The following MAP2K4 variants were observed in gnomAD, a reference collection of about 807,000 sequenced individuals.
The protein encoded by MAP2K4 is dual specificity mitogen-activated protein kinase kinase 4.
MAP2K4 carries 4 observed loss-of-function variants against 48.5 expected under a neutral mutation model. The ratio of observed to expected loss-of-function variants is 0.08; its 90% confidence interval spans 0.04 to 0.19. The LOEUF (loss-of-function observed/expected upper bound fraction) is 0.19. Ranked by LOEUF, MAP2K4 falls within the 10% of genes least tolerant of loss-of-function variation. The pLI is 1.00. For missense variants in MAP2K4, 258 were observed against 493.3 expected (o/e 0.52, Z 4.52); for synonymous variants, 166 against 173.1 (o/e 0.96, Z 0.32).
chr17:12,059,776 C>T (rs967413037), intron 2 of MAP2K4, among the ~76,000 whole-genome samples: 7 of 152,288 alleles, frequency 4.6e-5, no homozygotes, highest in Admixed American at 1.3e-4. Context: ...TAATATTCCT[C>T]GTATTTCTTG....
At chr17:12,120,370 G>T (rs1162634936) in intron 7 of MAP2K4, among the ~76,000 whole-genome samples, 1 of 152,064 alleles carries the variant, frequency 6.6e-6, no homozygotes, top group Non-Finnish European at 1.5e-5. Context: ...TGAGGCATGA[G>T]AATTGCTTGA....
chr17:12,032,328 A>G (rs776304242), intron 1 of MAP2K4: 14 of 1,230,490 alleles, frequency 1.1e-5, no homozygotes, highest in Non-Finnish European at 1.3e-5. Flanking sequence ...ATATTATGCT[A>G]TTTATTTTTT....
intron 2 of MAP2K4, among the ~76,000 whole-genome samples, chr17:12,073,837 A>G (rs965385269): frequency 3.5e-5 from 5 of 143,108 alleles, no homozygotes; most frequent in African/African-American, 1.3e-4. Context: ...CAGTGGCGTG[A>G]TCTCGGCTCA....
At chr17:12,069,351 A>C (rs554989628) in intron 2 of MAP2K4, among the ~76,000 whole-genome samples, 1 of 152,238 alleles carries the variant, frequency 6.6e-6, no homozygotes, top group Admixed American at 6.5e-5. Flanking sequence ...GCCCAGAAAA[A>C]CTGTTCTAAG....
intron 9 of MAP2K4, among the ~76,000 whole-genome samples, chr17:12,134,224 A>G (rs1245648520): frequency 1.3e-5 from 2 of 152,250 alleles, no homozygotes; most frequent in Non-Finnish European, 2.9e-5. Flanking sequence ...ACCTGAATCC[A>G]TAGCTGAGAT....
chr17:12,132,152 A>G (rs1025598849), intron 9 of MAP2K4, among the ~76,000 whole-genome samples: 7 of 152,226 alleles, frequency 4.6e-5, no homozygotes, highest in African/African-American at 1.4e-4. Flanking sequence ...AAATTAGTAC[A>G]GTTCCTTTGA....
In MAP2K4 at chr17:12,081,571, A is replaced by T. The variant is rs200387991; in HGVS notation, c.393+41A>T. On this transcript the variant is annotated intron_variant, in intron 3 of 10. Transcript: ENST00000353533. This position sits in a 1 kb window ranked among gnomAD's most constrained non-coding sequence, Gnocchi z 4.2. ...ATTATTTTTGGTACTTTAATCCATT[A>T]GGTGAAATTTCATGGTGCAGTAATA... The T allele has an allele frequency of 1.3e-6, 2 of 1,592,838 alleles. No homozygotes were observed. The highest frequency in any genetic ancestry group is 3.4e-5 in the Admixed American group (2 of 59,072).
chr17:12,129,428 C>A, intron 9 of MAP2K4, 141 bp downstream of exon 9: 1 of 928,290 alleles, frequency 1.1e-6, no homozygotes, highest in Non-Finnish European at 1.7e-6. Flanking sequence ...GACTCTGGAT[C>A]ACTGTGGCTG....
rs1971181647 is a variant in MAP2K4, at chr17:12,081,392, A to G, written c.255A>G (p.Gly85=). 3.7e-6 allele frequency: 6 copies of G among 1,613,926 alleles called. No individual in the cohort carries two copies. The highest frequency in any genetic ancestry group is 5.1e-6 in the Non-Finnish European group (6 of 1,179,958). Residue 85 remains glycine, a synonymous_variant, in exon 3 of 11, where the codon GGA becomes GGG. Transcript: ENST00000353533. This position sits in a 1 kb window ranked among gnomAD's most constrained non-coding sequence, Gnocchi z 4.2. Reference sequence around the variant, plus strand: ...GAACACACAGCATTGAGTCATCAGGAAAACTGAAGATCTCCCCTGAACAAC... The same window carrying G: ...GAACACACAGCATTGAGTCATCAGGGAAACTGAAGATCTCCCCTGAACAAC... The part of the protein sequence containing the change: ...RLRTHSIESS[G]KLKISPEQHW...
rs201772176 is a variant in MAP2K4, at chr17:12,047,304, T to C, written c.116-7585T>C. ...TGGCCATCATAAATGTAGACAGTTA[T>C]CATAATTGATAATAAAGCTGGAATG... On this transcript the variant is annotated intron_variant, in intron 1 of 10. Transcript: ENST00000353533. Among the ~76,000 whole-genome samples, 111 of 152,216 alleles carry C rather than the reference T, an allele frequency of 7.3e-4. 2 individuals carry two copies. The highest frequency in any genetic ancestry group is 1.5e-4 in the Non-Finnish European group (10 of 68,026).
intron 1 of MAP2K4, among the ~76,000 whole-genome samples, chr17:12,030,806 A>G (rs191442401): frequency 3.9e-5 from 6 of 152,204 alleles, no homozygotes; most frequent in East Asian, 1.9e-4. Context: ...GTAACAGTCA[A>G]TCAGGGTATT....
intron 7 of MAP2K4, 84 bp from the exon 8 acceptor site, chr17:12,125,210 G>T: frequency 2.2e-6 from 2 of 898,488 alleles, no homozygotes; most frequent in South Asian, 2.6e-5. Context: ...CTGGCATTTT[G>T]GCTGTCTACC....
At chr17:12,028,363 A>C (rs1216981035) in intron 1 of MAP2K4, among the ~76,000 whole-genome samples, 6 of 152,238 alleles carry the variant, frequency 3.9e-5, no homozygotes, top group Non-Finnish European at 8.8e-5. Context: ...TTGCTAACTT[A>C]GGGTGGCTCC....
intron 7 of MAP2K4, among the ~76,000 whole-genome samples, chr17:12,123,214 G>A (rs890604899): frequency 6.6e-6 from 1 of 152,204 alleles, no homozygotes; most frequent in African/African-American, 2.4e-5. Flanking sequence ...TTTGAAAAGA[G>A]TTCACCAGTG....
At chr17:12,107,108 T>C (rs1465760589) in intron 4 of MAP2K4, among the ~76,000 whole-genome samples, 1 of 152,194 alleles carries the variant, frequency 6.6e-6, no homozygotes, top group Admixed American at 6.5e-5. Flanking sequence ...AGTTTAATTA[T>C]AGCCAGCATC....
chr17:12,118,104 T>C (rs1274323301), intron 7 of MAP2K4, among the ~76,000 whole-genome samples: 1 of 152,158 alleles, frequency 6.6e-6, no homozygotes, highest in Non-Finnish European at 1.5e-5. Flanking sequence ...AGCATTAACT[T>C]TTTAAAGATT....
chr17:12,089,172 A>G (rs1359335640), intron 3 of MAP2K4, among the ~76,000 whole-genome samples: 1 of 152,072 alleles, frequency 6.6e-6, no homozygotes, highest in East Asian at 1.9e-4. Context: ...TCGGCCTCCT[A>G]AAGTGCTGGG....
chr17:12,127,320 A>C (rs1972884702), intron 8 of MAP2K4, among the ~76,000 whole-genome samples: 1 of 152,230 alleles, frequency 6.6e-6, no homozygotes, highest in African/African-American at 2.4e-5. Flanking sequence ...TAGGTTTGGC[A>C]ACTGGTCCCA....
chr17:12,057,161 T>C (rs1011771357), intron 2 of MAP2K4, among the ~76,000 whole-genome samples: 2 of 152,160 alleles, frequency 1.3e-5, no homozygotes, highest in African/African-American at 4.8e-5. Flanking sequence ...TTCCAAGAAA[T>C]GACAATTGGC....
Sources: allele counts gnomAD v4.1 joint callset (sites outside exome capture counted in the v4.1 genomes callset), GRCh38; gene constraint gnomAD v4.1.1; non-coding constraint Gnocchi (gnomAD v3.1); transcripts MANE v1.5; gene names NCBI Gene and HGNC (gene_info 2026-07-23, HGNC 2026-07-21).